Variants in ALS2 observed in about 807,000 individuals in gnomAD.
ALS2 encodes alsin.
In ALS2, 117 loss-of-function variants were observed where a neutral mutation model predicts 203.4. The observed-to-expected ratio is 0.58, with a 90% CI of 0.50 to 0.67. The LOEUF (loss-of-function observed/expected upper bound fraction) is 0.67, where lower values mean the gene tolerates loss of function less well. Ranked by LOEUF, ALS2 falls within the 30% of genes least tolerant of loss-of-function variation. ALS2 has a pLI of 0.00. For synonymous variants in ALS2, 718 were observed against 725.9 expected (o/e 0.99, Z 0.17); for missense variants, 1,715 against 1,989.4 (o/e 0.86, Z 2.62).
chr2:201,704,672 T>C, intron 31 of ALS2, 69 bp from the exon 32 acceptor site: 5 of 1,562,728 alleles, frequency 3.2e-6, no homozygotes, highest in South Asian at 1.1e-5. Context: ...TCGTGCTTTT[T>C]TGACAATATT....
chr2:201,754,642 G>A lies in ALS2; in HGVS notation c.1501C>T (p.Arg501Trp), dbSNP rs766279865. The change falls in exon 6 of 34, where the codon CGG (arginine) becomes TGG (tryptophan). Residue 501 changes from arginine to tryptophan, a missense_variant. Arg to Trp is a moderately radical substitution (Grantham distance 101). Coordinates refer to ENST00000264276, the MANE Select transcript of ALS2 (RefSeq NM_020919.4). ...VSPRLLRKAA[R>W]VKTRTVVLTP... ...AGAACCACTGTCCTCGTTTTCACCC[G>A]TGCAGCCTTTCTTAAGAGCCTGGGG... 21 of 1,613,998 alleles carry A rather than the reference G, an allele frequency of 1.3e-5. No homozygotes were observed. In the Middle Eastern group the frequency reaches 4.9e-4, roughly 38 times the overall value.
rs867950404 is a variant in ALS2, at chr2:201,778,311, C to T, written c.-61+2566G>A. ...TGGACATAATTCACTAGCAGCTAAG[C>T]GAAACTCTGCCAACAAACCCCAGTC... On this transcript the variant is annotated intron_variant, in intron 1 of 33. Transcript: ENST00000264276. 8 of 152,070 alleles carry T rather than the reference C, an allele frequency of 5.3e-5. No homozygotes were observed. The South Asian group carries it at 8.3e-4, about 16-fold the overall frequency. The allele number at this position is 152,070 out of a possible 1,614,324, so 9.4% of individuals were successfully genotyped here.
intron 3 of ALS2, among the ~76,000 whole-genome samples, chr2:201,764,301 C>T (rs1171767384): frequency 6.6e-6 from 1 of 152,064 alleles, no homozygotes; most frequent in East Asian, 1.9e-4. Flanking sequence ...AGATCCCTCT[C>T]CTTAAAAAAC....
chr2:201,750,483 G>A (rs1177141267), intron 7 of ALS2, among the ~76,000 whole-genome samples: 1 of 152,106 alleles, frequency 6.6e-6, no homozygotes, highest in Admixed American at 6.5e-5. Context: ...GAGTAATCAT[G>A]ATTTCCTACT....
chr2:201,770,767 A>G (rs1018822115), intron 1 of ALS2, among the ~76,000 whole-genome samples: 4 of 152,294 alleles, frequency 2.6e-5, no homozygotes, highest in African/African-American at 9.6e-5. Context: ...CTGAACATGG[A>G]AGAAGGCAGC....
intron 1 of ALS2, among the ~76,000 whole-genome samples, chr2:201,777,104 C>G (rs902279846): frequency 8.5e-5 from 13 of 152,160 alleles, no homozygotes; most frequent in Non-Finnish European, 1.0e-4. Context: ...CTACACAAAT[C>G]TGTAGTAATT....
chr2:201,768,987 T>C (rs1694242463), intron 1 of ALS2, 42 bp from the exon 2 acceptor site: 1 of 1,109,796 alleles, frequency 9.0e-7, no homozygotes. Context: ...AAAGAATATT[T>C]TACCCCTCAG....
intron 12 of ALS2, among the ~76,000 whole-genome samples, chr2:201,736,303 A>AT (rs1691872339): frequency 6.6e-6 from 1 of 152,146 alleles, no homozygotes; most frequent in South Asian, 2.1e-4. Context: ...TGAAACTGTC[A>AT]TTTTAAAAAA....
At chr2:201,725,105 T>C (rs1691071495) in intron 20 of ALS2, among the ~76,000 whole-genome samples, 1 of 149,178 alleles carries the variant, frequency 6.7e-6, no homozygotes, top group Non-Finnish European at 1.5e-5. Flanking sequence ...AGAGCGAGAC[T>C]TCATCTCAAA....
rs897800266 is a variant in ALS2, at chr2:201,705,215, G to A, written c.4627-15C>T. 1 of 1,613,388 alleles carries A rather than the reference G, an allele frequency of 6.2e-7. No individual in the cohort carries two copies. Among genetic ancestry groups the A allele is most frequent in the African/African-American group, 1.3e-5 (1 of 75,048 alleles). ...GTTGGCAAAACCTGCAAAAAAGAGA[G>A]TGAAGGTCAAGGAGGAAAACTATTT... On this transcript the variant is annotated splice_polypyrimidine_tract_variant and intron_variant, in intron 30 of 33. Coordinates refer to ENST00000264276, the MANE Select transcript of ALS2 (RefSeq NM_020919.4).
rs1689559234 is a variant in ALS2, at chr2:201,704,230, A to C, written c.4839-12T>G. The C allele has an allele frequency of 6.2e-7, 1 of 1,609,040 alleles. No homozygotes were observed. The highest frequency in any genetic ancestry group is 1.7e-5 in the Admixed American group (1 of 59,984). On this transcript the variant is annotated splice_polypyrimidine_tract_variant and intron_variant, in intron 32 of 33. Coordinates refer to ENST00000264276, the MANE Select transcript of ALS2 (RefSeq NM_020919.4). Reference sequence around the variant, plus strand: ...CTAAATTCCTAATCCTGCCCCAGAGAGAAAAAGATGCTGAGTTATTTTCAC... The same window carrying C: ...CTAAATTCCTAATCCTGCCCCAGAGCGAAAAAGATGCTGAGTTATTTTCAC...
rs202084736 is a variant in ALS2 at position 201,761,636 on chromosome 2, C to A, written c.358G>T (p.Ala120Ser). ...GVAYMWGENS[A>S]GQCAVANQQY... Reference sequence around the variant, plus strand: ...TGGTTGGCTACTGCACACTGGCCAGCAGAATTCTCTCCCCACATGTACGCG... The same window carrying A: ...TGGTTGGCTACTGCACACTGGCCAGAAGAATTCTCTCCCCACATGTACGCG... The change falls in exon 4 of 34, where the codon GCT becomes TCT. Residue 120 changes from alanine (A) to serine (S), a missense_variant. By Grantham distance (99) the Ala-to-Ser change is moderately conservative (BLOSUM62 1). Coordinates refer to ENST00000264276, the MANE Select transcript of ALS2 (RefSeq NM_020919.4). 2.2e-5 allele frequency: 36 copies of A among 1,614,158 alleles called. No individual in the cohort carries two copies. The African/African-American group carries it at 4.1e-4, about 19-fold the overall frequency.
intron 11 of ALS2, among the ~76,000 whole-genome samples, chr2:201,740,270 T>A (rs1692187881): frequency 6.6e-6 from 1 of 152,162 alleles, no homozygotes; most frequent in African/African-American, 2.4e-5. Context: ...AAGGCTGCAG[T>A]GAGCTGTAAT....
In ALS2 at chr2:201,736,286, A is replaced by G. The variant is rs150529937; in HGVS notation, c.2417+2384T>C. ...AAAGTTACTACATAAGGTTAAAGACATATTCTTGAAACTGTCATTTTAAAA... is the reference window on the plus strand; with the variant it reads ...AAAGTTACTACATAAGGTTAAAGACGTATTCTTGAAACTGTCATTTTAAAA... On this transcript the variant is annotated intron_variant, in intron 12 of 33. Coordinates refer to ENST00000264276, the MANE Select transcript of ALS2 (RefSeq NM_020919.4). Among the ~76,000 whole-genome samples, 110 of 152,282 alleles carry G rather than the reference A, an allele frequency of 7.2e-4. 1 individual carries two copies. The highest frequency in any genetic ancestry group is 2.3e-3 in the African/African-American group (96 of 41,578).
intron 12 of ALS2, 58 bp from the exon 13 acceptor site, chr2:201,733,496 T>C: frequency 4.0e-6 from 6 of 1,494,166 alleles, no homozygotes; most frequent in Non-Finnish European, 5.5e-6. Flanking sequence ...AATATGTACA[T>C]TAAATAAAAA....
At chr2:201,716,996 T>G (rs1267761445) in intron 24 of ALS2, among the ~76,000 whole-genome samples, 1 of 152,054 alleles carries the variant, frequency 6.6e-6, no homozygotes, top group Non-Finnish European at 1.5e-5. Context: ...GTGCCACATC[T>G]AGGGAGAGAT....
rs750115499 is a variant in ALS2 at position 201,749,787 on chromosome 2, AAC to A, written c.1738_1739del (p.Val580LeufsTer5). On this transcript the variant is annotated frameshift_variant and splice_region_variant, in exon 8 of 34. Coordinates refer to ENST00000264276, the MANE Select transcript of ALS2 (RefSeq NM_020919.4). LOFTEE classifies it high-confidence loss of function. ...CAAAGGTATTGCTACCCCATGAGTA[AAC>A]CTATCAAAAAAACACAGAAAAGTAG... The part of the protein sequence containing the change: ...HSLALTAKSQ[V>X]YSWGSNTFGQ... 2.5e-6 allele frequency: 4 copies of A among 1,613,894 alleles called. No individual in the cohort carries two copies. Among genetic ancestry groups the A allele is most frequent in the Non-Finnish European group, 3.4e-6 (4 of 1,179,816 alleles).
chr2:201,708,098 A>AAATAC, intron 27 of ALS2, 107 bp from the exon 28 acceptor site: 1 of 1,024,754 alleles, frequency 9.8e-7, no homozygotes, highest in Non-Finnish European at 1.5e-6. Context: ...TTATCAACTA[A>AAATAC]GTATTTTAGT....
At chr2:201,773,311 C>T (rs1002526039) in intron 1 of ALS2, among the ~76,000 whole-genome samples, 6 of 152,138 alleles carry the variant, frequency 3.9e-5, no homozygotes, top group African/African-American at 1.4e-4. Flanking sequence ...AGGAAGGAAG[C>T]CTGGGTTCTT....
Sources: gnomAD v4.1 joint callset for allele counts (sites outside exome capture counted in the v4.1 genomes callset) on GRCh38, gnomAD v4.1.1 for gene constraint, MANE v1.5 for transcripts, NCBI Gene and HGNC (gene_info 2026-07-23, HGNC 2026-07-21) for gene names.